The following TANC2 variants were observed in gnomAD, a reference collection of about 807,000 sequenced individuals.
The protein encoded by TANC2 is protein TANC2.
Under a neutral mutation model 210.5 loss-of-function variants are expected in TANC2, and 26 were observed. That is an observed-to-expected ratio of 0.12 (90% CI 0.09 to 0.17). The LOEUF is 0.17. Among genes scored for constraint, TANC2 ranks in the 10% least tolerant of loss-of-function variants. TANC2 has a pLI of 1.00. For missense variants in TANC2, 2,129 were observed against 2,608.9 expected (o/e 0.82, Z 4.01); for synonymous variants, 931 against 967.1 (o/e 0.96, Z 0.69).
chr17:63,164,959 T>C (rs2040161575), intron 5 of TANC2, among the ~76,000 whole-genome samples: 1 of 152,126 alleles, frequency 6.6e-6, no homozygotes, highest in Non-Finnish European at 1.5e-5. Flanking sequence ...CTTAGCCCAG[T>C]CAGGTTGACA....
At chr17:63,171,575 A>G (rs1021836479) in intron 5 of TANC2, among the ~76,000 whole-genome samples, 9 of 152,214 alleles carry the variant, frequency 5.9e-5, no homozygotes, top group African/African-American at 1.9e-4. Context: ...AATTTCTTTA[A>G]GGGTTTGAAG....
At chr17:63,074,748 CACTA>C (rs2036515473) in intron 3 of TANC2, among the ~76,000 whole-genome samples, 1 of 152,016 alleles carries the variant, frequency 6.6e-6, no homozygotes, top group Non-Finnish European at 1.5e-5. Context: ...ATATAGTAGT[CACTA>C]AATAAATGGT....
exon 28 of TANC2, chr17:63,425,706 G>A (rs2049127153): frequency 6.6e-6 from 1 of 152,274 alleles, no homozygotes; most frequent in Non-Finnish European, 1.5e-5. Context: ...CAGAGGCCTG[G>A]AAGGGGTCTT....
chr17:63,005,137 C>T (rs2033558883), intron 1 of TANC2: 1 of 152,200 alleles, frequency 6.6e-6, no homozygotes, highest in Non-Finnish European at 1.5e-5. Flanking sequence ...ATTTTAATAG[C>T]ATGATATATA....
intron 2 of TANC2, among the ~76,000 whole-genome samples, chr17:63,065,625 A>G (rs1316786181): frequency 6.6e-6 from 1 of 152,124 alleles, no homozygotes; most frequent in Non-Finnish European, 1.5e-5. Context: ...TGTGGTTTTA[A>G]TCTGCATTTC....
chr17:63,027,909 C>G (rs935105409), intron 2 of TANC2, among the ~76,000 whole-genome samples: 3 of 151,940 alleles, frequency 2.0e-5, no homozygotes, highest in African/African-American at 7.2e-5. Context: ...TTCCGCACTC[C>G]CCCACCTCAT....
rs201488189 is a variant in TANC2 at position 63,412,056 on chromosome 17, G to A, written c.3824G>A (p.Arg1275His). 236 of 1,613,784 alleles carry A rather than the reference G, an allele frequency of 1.5e-4. No homozygotes were observed. Among genetic ancestry groups the A allele is most frequent in the Non-Finnish European group, 1.8e-4 (218 of 1,179,874 alleles). The change falls in exon 23 of 28, where the codon CGC becomes CAC. Residue 1275 changes from arginine (R) to histidine (H), a missense_variant. This residue lies in a region of TANC2 where 644 missense variants were observed against 937.5 expected (regional missense o/e 0.69). Coordinates refer to ENST00000689528, the Ensembl canonical transcript of TANC2. This position sits in a 1 kb window ranked among gnomAD's most constrained non-coding sequence, Gnocchi z 4.2. ...GAGCACGTTGACTACAGTGGAATGC[G>A]CCCTTTGGATAGGGCAGTGGGGTGC...
intron 1 of TANC2, among the ~76,000 whole-genome samples, chr17:62,993,986 A>G (rs995640613): frequency 1.4e-4 from 22 of 152,096 alleles, no homozygotes; most frequent in Admixed American, 2.0e-4. Flanking sequence ...AATTTGCTGA[A>G]TTCATTTATT....
intron 5 of TANC2, among the ~76,000 whole-genome samples, chr17:63,166,040 A>T (rs1380752989): frequency 6.6e-6 from 1 of 152,154 alleles, no homozygotes; most frequent in East Asian, 1.9e-4. Flanking sequence ...TGCATGTAGT[A>T]CCCCTTGTAG....
Position 63,133,490 on chromosome 17 carries a change from A to G in TANC2, c.323-17780A>G, listed in dbSNP as rs559738083. Among the ~76,000 whole-genome samples the G allele has an allele frequency of 3.3e-5, 5 of 152,122 alleles. No individual in the cohort carries two copies. In the South Asian group the frequency reaches 1.0e-3, roughly 31 times the overall value. ...TTTCGAAAAAGAAAAAAAAAAATGG[A>G]ATAACCTTCCATAATTCTTTTTGTT... On this transcript the variant is annotated intron_variant, in intron 4 of 27. Coordinates refer to ENST00000689528, the Ensembl canonical transcript of TANC2.
intron 3 of TANC2, among the ~76,000 whole-genome samples, chr17:63,093,001 T>C (rs1238520868): frequency 6.6e-6 from 1 of 152,200 alleles, no homozygotes; most frequent in Non-Finnish European, 1.5e-5. Context: ...TTATTAGATA[T>C]GTGTTTTGCA....
At chr17:63,278,236 A>G (rs975358928) in intron 9 of TANC2, among the ~76,000 whole-genome samples, 2 of 152,166 alleles carry the variant, frequency 1.3e-5, no homozygotes, top group African/African-American at 4.8e-5. Flanking sequence ...CATGTATCTG[A>G]TAGGAGTTAA....
At position 63,239,722 on chromosome 17, in the gene TANC2, C is replaced by T. The variant is rs188272864; in HGVS notation, c.1033+1645C>T. Among the ~76,000 whole-genome samples, 13 of 152,186 alleles carry T rather than the reference C, an allele frequency of 8.5e-5. No homozygotes were observed. The East Asian group carries it at 2.1e-3, about 25-fold the overall frequency. On this transcript the variant is annotated intron_variant, in intron 8 of 27. Transcript: ENST00000689528. Reference sequence around the variant, plus strand: ...TAGAATGCTGTTGTTTTAGTCTATTCTTATACTGCTATAAAGAAATACCTG... The same window carrying T: ...TAGAATGCTGTTGTTTTAGTCTATTTTTATACTGCTATAAAGAAATACCTG...
chr17:63,315,105 C>T (rs2045273535), intron 10 of TANC2, among the ~76,000 whole-genome samples: 2 of 152,110 alleles, frequency 1.3e-5, no homozygotes, highest in African/African-American at 4.8e-5. Flanking sequence ...ACTTGAGCTT[C>T]GTTGTGTCCT....
intron 1 of TANC2, among the ~76,000 whole-genome samples, chr17:62,969,420 A>G (rs551654346): frequency 1.5e-4 from 23 of 152,374 alleles, no homozygotes; most frequent in Non-Finnish European, 2.8e-4. Context: ...TTGGCAAGGC[A>G]TAATTAAAAT....
intron 7 of TANC2, among the ~76,000 whole-genome samples, chr17:63,234,367 C>G (rs377740726): frequency 3.4e-4 from 51 of 152,120 alleles, no homozygotes; most frequent in South Asian, 1.5e-3. Flanking sequence ...AAATAATTTC[C>G]CAGATAACAT....
At chr17:63,396,147 C>A in intron 18 of TANC2, 3 of 480,310 alleles carry the variant, frequency 6.2e-6, no homozygotes, top group Non-Finnish European at 7.5e-6. Context: ...TGGAAAGGAC[C>A]GTGGAAATGA....
intron 11 of TANC2, among the ~76,000 whole-genome samples, chr17:63,321,493 A>G (rs988211967): frequency 1.1e-4 from 17 of 152,220 alleles, no homozygotes; most frequent in African/African-American, 4.1e-4. Context: ...GTGTGTGTAG[A>G]GAGCTTGACC....
At chr17:63,303,002 T>A (rs2044772298) in intron 9 of TANC2, among the ~76,000 whole-genome samples, 1 of 152,200 alleles carries the variant, frequency 6.6e-6, no homozygotes, top group South Asian at 2.1e-4. Flanking sequence ...CCTCAGGTGA[T>A]CCACCTGCCT....
Sources: allele counts gnomAD v4.1 joint callset (sites outside exome capture counted in the v4.1 genomes callset), GRCh38; gene constraint gnomAD v4.1.1; regional missense constraint gnomAD v4.1.1; non-coding constraint Gnocchi (gnomAD v3.1); transcripts MANE v1.5; gene names NCBI Gene and HGNC (gene_info 2026-07-23, HGNC 2026-07-21).